PRRC2B: variants seen among roughly 807,000 people sequenced by gnomAD.
PRRC2B encodes the protein protein PRRC2B.
In PRRC2B, 68 loss-of-function variants were observed where a neutral mutation model predicts 242.3. The ratio of observed to expected loss-of-function variants is 0.28; its 90% confidence interval spans 0.23 to 0.34. The LOEUF (loss-of-function observed/expected upper bound fraction) is 0.34, where lower values mean the gene tolerates loss of function less well. Among genes scored for constraint, PRRC2B ranks in the 10% least tolerant of loss-of-function variants. The pLI is 1.00. For missense variants in PRRC2B, 2,835 were observed against 2,954.8 expected (o/e 0.96, Z 0.94); for synonymous variants, 1,228 against 1,173.6 (o/e 1.05, Z -0.95).
chr9:131,474,344 T>G, intron 15 of PRRC2B, 110 bp from the exon 16 acceptor site: 4 of 916,786 alleles, frequency 4.4e-6, no homozygotes, highest in Middle Eastern at 3.5e-4. Flanking sequence ...TTAAAAAGTG[T>G]TTTAGTTTTT....
intron 5 of PRRC2B, among the ~76,000 whole-genome samples, chr9:131,443,051 T>A (rs1345945550): frequency 6.6e-6 from 1 of 152,230 alleles, no homozygotes; most frequent in Non-Finnish European, 1.5e-5. Flanking sequence ...TGTATAAATC[T>A]AATTTCCACC....
intron 1 of PRRC2B, among the ~76,000 whole-genome samples, chr9:131,416,621 CT>C (rs11374835): frequency 2.0e-5 from 3 of 149,638 alleles, no homozygotes; most frequent in Admixed American, 6.7e-5. Flanking sequence ...TACCCAGTGT[CT>C]TTTTTTTTTC....
In PRRC2B at chr9:131,420,493, C is replaced by CTTTCTTTTCTTTCT; in HGVS notation, c.-51-9598_-51-9597insCTTTTCTTTCTTTT. On this transcript the variant is annotated intron_variant, in intron 1 of 31. Coordinates refer to ENST00000683519, the MANE Select transcript of PRRC2B (RefSeq NM_013318.4). The stretch of plus-strand genomic sequence containing the variant: ...TCTTTCTTTCTTTCTTTCTTTCTTT[C>CTTTCTTTTCTTTCT]TTTTTTTTTTTTTTTTTGAGATGGA... 3.0e-4 allele frequency among the ~76,000 whole-genome samples: 9 copies of CTTTCTTTTCTTTCT among 30,180 alleles called. 2 individuals are homozygous for CTTTCTTTTCTTTCT. Among genetic ancestry groups the CTTTCTTTTCTTTCT allele is most frequent in the African/African-American group, 9.7e-4 (9 of 9,264 alleles). The allele number at this position is 30,180 out of a possible 152,430, so 19.8% of individuals were successfully genotyped here. A position where few individuals can be genotyped will look rare whatever the true frequency, so the allele number is the denominator to read the frequency against.
chr9:131,467,581 C>T lies in PRRC2B; in HGVS notation c.1739C>T (p.Ala580Val). 6.2e-7 allele frequency: 1 copy of T among 1,609,054 alleles called. No homozygotes were observed. The change falls in exon 13 of 32, where the codon GCC becomes GTC. Residue 580 changes from alanine (A) to valine (V), a missense_variant. Physicochemically the swap from Ala to Val is moderately conservative, Grantham distance 64. Coordinates refer to ENST00000683519, the MANE Select transcript of PRRC2B (RefSeq NM_013318.4). ...TCTCTAGGCTCCCCAGAATTCCCTG[C>T]CCAAGAGACCCCCACCACATTCCCA... ...AVHKGSPEFP[A>V]QETPTTFPEE...
chr9:131,458,070 C>T (rs145441744), intron 10 of PRRC2B, among the ~76,000 whole-genome samples: 126 of 152,222 alleles, frequency 8.3e-4, no homozygotes, highest in African/African-American at 2.8e-3. Context: ...TGGCACCCAT[C>T]CCCTTCTTGT....
chr9:131,416,599 GTTC>G (rs1004104475), intron 1 of PRRC2B, among the ~76,000 whole-genome samples: 13 of 146,174 alleles, frequency 8.9e-5, no homozygotes. Flanking sequence ...TTATTCAGAT[GTTC>G]TTAGCTTGTA....
chr9:131,477,813 C>T lies in PRRC2B; in HGVS notation c.4476C>T (p.Ala1492=), dbSNP rs751952882. The T allele has an allele frequency of 8.1e-6, 13 of 1,612,938 alleles. No individual in the cohort carries two copies. Among genetic ancestry groups the T allele is most frequent in the Non-Finnish European group, 1.0e-5 (12 of 1,179,552 alleles). Residue 1492 remains alanine, a synonymous_variant, in exon 17 of 32, where the codon GCC becomes GCT. Coordinates refer to ENST00000683519, the MANE Select transcript of PRRC2B (RefSeq NM_013318.4). The stretch of plus-strand genomic sequence containing the variant: ...GTGGGAGTGGCCACTCCCCCTATGC[C>T]CTGGAGCGGGCAGCCCATGCCAGTG... ...CSSGSGHSPY[A]LERAAHASAD...
chr9:131,421,079 G>A (rs1020541323), intron 1 of PRRC2B, among the ~76,000 whole-genome samples: 1 of 152,176 alleles, frequency 6.6e-6, no homozygotes, highest in African/African-American at 2.4e-5. Context: ...ATGCTACGAC[G>A]ACAGCCTCAG....
chr9:131,428,821 A>G (rs559145885), intron 1 of PRRC2B, among the ~76,000 whole-genome samples: 2 of 152,344 alleles, frequency 1.3e-5, no homozygotes, highest in East Asian at 3.9e-4. Flanking sequence ...TGAGCCACTG[A>G]GCCCATCAAG....
At chr9:131,404,949 C>G (rs541388351) in intron 1 of PRRC2B, among the ~76,000 whole-genome samples, 1 of 152,326 alleles carries the variant, frequency 6.6e-6, no homozygotes, top group South Asian at 2.1e-4. Context: ...GTGGACTCTT[C>G]AACTGAATAG....
At chr9:131,467,468 A>T in intron 12 of PRRC2B, 95 bp from the exon 13 acceptor site, 1 of 1,111,358 alleles carries the variant, frequency 9.0e-7, no homozygotes, top group Non-Finnish European at 1.3e-6. Context: ...AGTGGAGCGT[A>T]CGGGCCAACA....
chr9:131,458,335 G>A (rs1943142236), intron 10 of PRRC2B, among the ~76,000 whole-genome samples: 1 of 152,068 alleles, frequency 6.6e-6, no homozygotes, highest in Admixed American at 6.5e-5. Flanking sequence ...CGTTAACCTT[G>A]ATGAGACTCA....
chr9:131,449,534 A>G (rs182165127), intron 9 of PRRC2B, among the ~76,000 whole-genome samples: 82 of 152,288 alleles, frequency 5.4e-4, no homozygotes, highest in Non-Finnish European at 7.8e-4. Context: ...CTGATGACTA[A>G]TGATGATAAA....
At chr9:131,392,095 TTTTC>T (rs1274422546), upstream of PRRC2B, among the ~76,000 whole-genome samples, 20 of 150,792 alleles carry the variant, frequency 1.3e-4, no homozygotes, top group African/African-American at 3.4e-4. Flanking sequence ...TGCTTGTTTA[TTTTC>T]TTTCTTTTTT....
rs775277833 is a variant in PRRC2B at position 131,476,314 on chromosome 9, C to T, written c.4185C>T (p.Ser1395=). Residue 1395 remains serine (S), a synonymous_variant, in exon 16 of 32, where the codon TCC becomes TCT. Coordinates refer to ENST00000683519, the MANE Select transcript of PRRC2B (RefSeq NM_013318.4). The part of the protein sequence containing the change: ...ERRERREGPG[S]EPDSQVDGGL... ...GGGAGCGGCGGGAAGGCCCTGGGTC[C>T]GAGCCCGACTCCCAGGTGGATGGTG... The T allele has an allele frequency of 6.2e-5, 98 of 1,579,456 alleles. No individual in the cohort carries two copies. In the South Asian group the frequency reaches 9.6e-4, roughly 16 times the overall value.
At position 131,494,280 on chromosome 9, in the gene PRRC2B, G is replaced by A. The variant is rs749603894; in HGVS notation, c.6474-125G>A. On this transcript the variant is annotated intron_variant, in intron 30 of 31. Coordinates refer to ENST00000683519, the MANE Select transcript of PRRC2B (RefSeq NM_013318.4). The surrounding 1 kb of genome is among the most constrained non-coding windows in gnomAD (Gnocchi z 4.3). Reference sequence around the variant, plus strand: ...TTTCCATCCAAGAGATCCACGGACCGTCCCGAGTGAGCGCCTCTGGCCGCA... The same window carrying A: ...TTTCCATCCAAGAGATCCACGGACCATCCCGAGTGAGCGCCTCTGGCCGCA... The A allele has an allele frequency of 1.3e-5, 8 of 614,372 alleles. No homozygotes were observed. Among genetic ancestry groups the A allele is most frequent in the Admixed American group, 1.2e-4 (4 of 34,718 alleles). The allele number at this position is 614,372 out of a possible 1,614,324, so 38.1% of individuals were successfully genotyped here. A position where few individuals can be genotyped will look rare whatever the true frequency, so the allele number is the denominator to read the frequency against.
chr9:131,470,546 G>A (rs1367755347), intron 13 of PRRC2B, among the ~76,000 whole-genome samples: 1 of 152,172 alleles, frequency 6.6e-6, no homozygotes, highest in African/African-American at 2.4e-5. Flanking sequence ...CACAGGCACA[G>A]ATGAGCCTCC....
At chr9:131,489,954 C>T (rs1461728127) in intron 28 of PRRC2B, among the ~76,000 whole-genome samples, 1 of 152,054 alleles carries the variant, frequency 6.6e-6, no homozygotes, top group African/African-American at 2.4e-5. Flanking sequence ...GTCCCCTCTC[C>T]TTCCCAGTCT....
chr9:131,425,710 CGATCTCCTGACCTCGT>C lies in PRRC2B; in HGVS notation c.-51-4379_-51-4364del, dbSNP rs1361047616. On this transcript the variant is annotated intron_variant, in intron 1 of 31. Coordinates refer to ENST00000683519, the MANE Select transcript of PRRC2B (RefSeq NM_013318.4). Reference sequence around the variant, plus strand: ...TTCACCGTGTTAGCCAGGATGATCTCGATCTCCTGACCTCGTGATCACCCGCCTCAGCCTCCCAAAG... The same window carrying C: ...TTCACCGTGTTAGCCAGGATGATCTCGATCACCCGCCTCAGCCTCCCAAAG... Among the ~76,000 whole-genome samples, 3 of 149,930 alleles carry C rather than the reference CGATCTCCTGACCTCGT, an allele frequency of 2.0e-5. No individual in the cohort carries two copies. In the East Asian group the frequency reaches 6.2e-4, roughly 31 times the overall value.
Sources: allele counts gnomAD v4.1 joint callset (sites outside exome capture counted in the v4.1 genomes callset), GRCh38; gene constraint gnomAD v4.1.1; non-coding constraint Gnocchi (gnomAD v3.1); transcripts MANE v1.5; gene names NCBI Gene and HGNC (gene_info 2026-07-23, HGNC 2026-07-21).